The following RBFOX1 variants were observed in gnomAD, a reference collection of about 807,000 sequenced individuals.
RBFOX1 encodes the protein RNA binding fox-1 homolog 1.
RBFOX1 carries 8 observed loss-of-function variants against 57.7 expected under a neutral mutation model. That is an observed-to-expected ratio of 0.14 (90% CI 0.08 to 0.25). The LOEUF (loss-of-function observed/expected upper bound fraction) is 0.25. Among genes scored for constraint, RBFOX1 ranks in the 10% least tolerant of loss-of-function variants. The pLI, the probability that RBFOX1 is intolerant of heterozygous loss-of-function variation, is 1.00. For missense variants in RBFOX1, 611 were observed against 548.5 expected (o/e 1.11, Z -1.14); for synonymous variants, 326 against 222.4 (o/e 1.47, Z -4.15).
At chr16:7,139,277 T>C (rs971300966) in intron 4 of RBFOX1, among the ~76,000 whole-genome samples, 2 of 151,974 alleles carry the variant, frequency 1.3e-5, no homozygotes. Context: ...AGCTACTCTG[T>C]CACTCCCCAT....
chr16:6,005,955 C>T (rs1596387663), intron 4 of RBFOX1, among the ~76,000 whole-genome samples: 1 of 152,170 alleles, frequency 6.6e-6, no homozygotes, highest in African/African-American at 2.4e-5. Context: ...TGGGTGAAAT[C>T]AGACTGTATA....
chr16:6,745,198 C>G (rs2154186042), intron 3 of RBFOX1, among the ~76,000 whole-genome samples: 1 of 152,102 alleles, frequency 6.6e-6, no homozygotes, highest in South Asian at 2.1e-4. Flanking sequence ...AAAATCTTCC[C>G]TCTAAGAAAA....
intron 2 of RBFOX1, among the ~76,000 whole-genome samples, chr16:5,540,502 G>C (rs2044887588): frequency 6.6e-6 from 1 of 152,164 alleles, no homozygotes; most frequent in Non-Finnish European, 1.5e-5. Context: ...TTTTTCTATG[G>C]TGAAATTTAG....
chr16:6,762,425 A>G (rs1289758987), intron 3 of RBFOX1, among the ~76,000 whole-genome samples: 1 of 152,158 alleles, frequency 6.6e-6, no homozygotes, highest in African/African-American at 2.4e-5. Context: ...ACATACCACC[A>G]CCGACAATGA....
chr16:7,575,710 C>T (rs2093270792), intron 5 of RBFOX1, among the ~76,000 whole-genome samples: 1 of 152,172 alleles, frequency 6.6e-6, no homozygotes, highest in Admixed American at 6.5e-5. Flanking sequence ...CTTTATGGTC[C>T]TCTTTCAGGA....
At chr16:6,253,374 A>G (rs1431768573) in intron 1 of RBFOX1, among the ~76,000 whole-genome samples, 1 of 152,150 alleles carries the variant, frequency 6.6e-6, no homozygotes, top group Non-Finnish European at 1.5e-5. Context: ...CGCAACTTGC[A>G]TGCATGAACT....
At chr16:7,111,870 G>A (rs2064851605) in intron 4 of RBFOX1, among the ~76,000 whole-genome samples, 4 of 151,918 alleles carry the variant, frequency 2.6e-5, no homozygotes, top group Admixed American at 2.6e-4. Flanking sequence ...AAATTGATCA[G>A]TTGAATTGAA....
At chr16:7,160,916 G>T (rs146148349) in intron 4 of RBFOX1, among the ~76,000 whole-genome samples, 10 of 151,054 alleles carry the variant, frequency 6.6e-5, no homozygotes, top group African/African-American at 2.2e-4. Flanking sequence ...TCTTCAGCCC[G>T]TCTTTTACTT....
intron 4 of RBFOX1, among the ~76,000 whole-genome samples, chr16:7,094,768 G>GTGTA (rs1289151320): frequency 1.4e-5 from 2 of 139,976 alleles, no homozygotes; most frequent in Non-Finnish European, 3.2e-5. Context: ...GTGTGTGTGT[G>GTGTA]TGTGTGTGGG....
At chr16:7,547,429 A>T (rs940957304) in intron 5 of RBFOX1, among the ~76,000 whole-genome samples, 3 of 152,268 alleles carry the variant, frequency 2.0e-5, no homozygotes, top group Non-Finnish European at 1.5e-5. Flanking sequence ...TATGCCAAAA[A>T]TGAGAAGAAA....
chr16:6,137,550 C>T (rs565070078), intron 1 of RBFOX1, among the ~76,000 whole-genome samples: 27 of 151,618 alleles, frequency 1.8e-4, no homozygotes, highest in African/African-American at 6.3e-4. Flanking sequence ...AGGTGATCCG[C>T]CCACCTCGGC....
intron 2 of RBFOX1, chr16:6,483,141 A>T: frequency 1.9e-6 from 2 of 1,058,128 alleles, no homozygotes; most frequent in Non-Finnish European, 2.3e-6. Flanking sequence ...CCCAGCTGCA[A>T]GAGTTTGCAA....
At chr16:6,991,027 C>A (rs1173350632) in intron 3 of RBFOX1, among the ~76,000 whole-genome samples, 1 of 147,790 alleles carries the variant, frequency 6.8e-6, no homozygotes, top group Non-Finnish European at 1.5e-5. Context: ...TCTGGCCAGG[C>A]GTGGTGGCTC....
intron 3 of RBFOX1, among the ~76,000 whole-genome samples, chr16:6,754,459 G>A (rs8044218): frequency 1.3e-5 from 2 of 152,110 alleles, no homozygotes; most frequent in Non-Finnish European, 2.9e-5. Flanking sequence ...CTTTCCTTTT[G>A]TTTCTTCCAC....
At chr16:5,386,356 G>T (rs949917126) in intron 1 of RBFOX1, among the ~76,000 whole-genome samples, 2 of 152,040 alleles carry the variant, frequency 1.3e-5, no homozygotes, top group Non-Finnish European at 2.9e-5. Context: ...CATCTCAAAG[G>T]CCCCAGGGGA....
At chr16:7,274,112 A>G (rs1341211240) in intron 4 of RBFOX1, among the ~76,000 whole-genome samples, 1 of 152,222 alleles carries the variant, frequency 6.6e-6, no homozygotes, top group Non-Finnish European at 1.5e-5. Flanking sequence ...CCAGGAAACC[A>G]ATTGAGATAT....
At chr16:6,437,439 A>T (rs554143127) in intron 2 of RBFOX1, among the ~76,000 whole-genome samples, 1 of 152,274 alleles carries the variant, frequency 6.6e-6, no homozygotes, top group South Asian at 2.1e-4. Flanking sequence ...TTGCTTGGTC[A>T]GTGTCTTCAG....
At chr16:6,900,383 C>G (rs1235574848) in intron 3 of RBFOX1, among the ~76,000 whole-genome samples, 1 of 152,172 alleles carries the variant, frequency 6.6e-6, no homozygotes, top group East Asian at 1.9e-4. Context: ...TATCCATGCT[C>G]CCATCAAGGA....
chr16:7,202,349 A>G (rs916426948), intron 4 of RBFOX1, among the ~76,000 whole-genome samples: 2 of 151,934 alleles, frequency 1.3e-5, no homozygotes, highest in African/African-American at 4.8e-5. Flanking sequence ...AAGGATGTGG[A>G]AAAATTGGAC....
Sources: allele counts gnomAD v4.1 joint callset (sites outside exome capture counted in the v4.1 genomes callset), GRCh38; gene constraint gnomAD v4.1.1; transcripts MANE v1.5; gene names NCBI Gene and HGNC (gene_info 2026-07-23, HGNC 2026-07-21).